The following EXPH5 variants were observed in gnomAD, a reference collection of about 807,000 sequenced individuals.
EXPH5 encodes exophilin-5.
In EXPH5, 42 loss-of-function variants were observed where a neutral mutation model predicts 41.1. The observed-to-expected ratio is 1.02, with a 90% confidence interval of 0.80 to 1.32. EXPH5 has a LOEUF of 1.32. EXPH5 is among the 40% of genes most tolerant of loss of function. The pLI is 0.00. For synonymous variants in EXPH5, 798 were observed against 833.5 expected (o/e 0.96, Z 0.73); for missense variants, 2,298 against 2,314.5 (o/e 0.99, Z 0.15).
intron 1 of EXPH5, among the ~76,000 whole-genome samples, chr11:108,590,531 G>C (rs1336324490): frequency 2.6e-5 from 4 of 152,094 alleles, no homozygotes; most frequent in African/African-American, 9.7e-5. Flanking sequence ...ATGTGTTCAG[G>C]AACTTTTCTG....
At position 108,513,856 on chromosome 11, in the gene EXPH5, A is replaced by T. The variant is rs200171921; in HGVS notation, c.1651T>A (p.Trp551Arg). 5.4e-5 allele frequency: 85 copies of T among 1,569,256 alleles called. No individual in the cohort carries two copies. Among genetic ancestry groups the T allele is most frequent in the Non-Finnish European group, 6.9e-5 (80 of 1,156,808 alleles). The change falls in exon 6 of 6, where the codon TGG (tryptophan) becomes AGG (arginine). Residue 551 changes from tryptophan (W) to arginine (R), a missense_variant. Physicochemically the swap from Trp to Arg is moderately radical, Grantham distance 101 (BLOSUM62 -3). Transcript: ENST00000265843. ...VSRGQEEPHPWQFDFQRSTLD... is the reference protein window; with the variant it reads ...VSRGQEEPHPRQFDFQRSTLD... Reference sequence around the variant, plus strand: ...GTGGATCTCTGAAAATCAAACTGCCAAGGATGTGGCTCTTCTTGGCCTCTG... The same window carrying T: ...GTGGATCTCTGAAAATCAAACTGCCTAGGATGTGGCTCTTCTTGGCCTCTG...
At chr11:108,587,892 ATAGGTGCCAGCCAC>A (rs1424699873) in intron 1 of EXPH5, among the ~76,000 whole-genome samples, 10 of 152,182 alleles carry the variant, frequency 6.6e-5, no homozygotes, top group African/African-American at 2.4e-4. Flanking sequence ...AGCTGGGCTT[ATAGGTGCCAGCCAC>A]CAAGCCTGGC....
Position 108,528,923 on chromosome 11 carries a change from G to A in EXPH5, c.444-739C>T, listed in dbSNP as rs542029935. ...TCATCATGTTGACCAGGCTGGTCTC[G>A]AACTCCTGACCTCAGGTGATCTGCC... On this transcript the variant is annotated intron_variant, in intron 3 of 5. Coordinates refer to ENST00000265843, the MANE Select transcript of EXPH5 (RefSeq NM_015065.3). 2.0e-3 allele frequency among the ~76,000 whole-genome samples: 308 copies of A among 151,530 alleles called. 1 individual carries two copies. The highest frequency in any genetic ancestry group is 6.9e-3 in the African/African-American group (287 of 41,344).
rs752646386 is a variant in EXPH5 at position 108,514,758 on chromosome 11, T to C, written c.749A>G (p.Asn250Ser). Reference protein sequence around the residue: ...TQFGHFYSSGNRHGNITERHK... With the variant: ...TQFGHFYSSGSRHGNITERHK... ...CCTTTCTGTGATATTACCATGTCTG[T>C]TACCACTGGAATAAAAGTGACCGAA... is the stretch of plus-strand genomic sequence containing the variant. Residue 250 changes from asparagine (N) to serine (S), a missense_variant, in exon 6 of 6, where the codon AAC becomes AGC. Transcript: ENST00000265843. 12 of 1,611,658 alleles carry C rather than the reference T, an allele frequency of 7.4e-6. No homozygotes were observed. The African/African-American group carries it at 1.1e-4, about 14-fold the overall frequency.
chr11:108,566,693 A>T (rs1432063390), intron 1 of EXPH5, among the ~76,000 whole-genome samples: 1 of 151,968 alleles, frequency 6.6e-6, no homozygotes, highest in Non-Finnish European at 1.5e-5. Flanking sequence ...TCTCTAAAAT[A>T]AATAAATAAA....
At chr11:108,517,884 A>G (rs1253179832) in intron 5 of EXPH5, among the ~76,000 whole-genome samples, 1 of 151,844 alleles carries the variant, frequency 6.6e-6, no homozygotes, top group Non-Finnish European at 1.5e-5. Flanking sequence ...TCAGCCTCCC[A>G]AGTAGCTGAG....
chr11:108,564,668 T>G (rs989286094), intron 1 of EXPH5, among the ~76,000 whole-genome samples: 2 of 152,226 alleles, frequency 1.3e-5, no homozygotes, highest in South Asian at 4.1e-4. Flanking sequence ...AGGATGAACA[T>G]GTTTTAATGA....
At chr11:108,584,873 AT>A (rs2094108943) in intron 1 of EXPH5, among the ~76,000 whole-genome samples, 1 of 152,254 alleles carries the variant, frequency 6.6e-6, no homozygotes, top group East Asian at 1.9e-4. Flanking sequence ...TACTAAAAGC[AT>A]GATTCATAAA....
At chr11:108,525,444 T>C (rs1210233948) in intron 4 of EXPH5, among the ~76,000 whole-genome samples, 1 of 152,150 alleles carries the variant, frequency 6.6e-6, no homozygotes, top group Non-Finnish European at 1.5e-5. Flanking sequence ...TACGCAGGAG[T>C]CCAAAATGTC....
intron 1 of EXPH5, among the ~76,000 whole-genome samples, chr11:108,542,608 C>T (rs1008921243): frequency 2.0e-5 from 3 of 152,104 alleles, no homozygotes; most frequent in African/African-American, 7.2e-5. Flanking sequence ...CCCAGGTAGG[C>T]AATGGATTCA....
At chr11:108,547,142 G>T (rs1283218927) in intron 1 of EXPH5, among the ~76,000 whole-genome samples, 1 of 152,044 alleles carries the variant, frequency 6.6e-6, no homozygotes, top group Non-Finnish European at 1.5e-5. Context: ...AGACACTAAA[G>T]TAGAATGATT....
At chr11:108,598,985 T>C in the EXPH5 span, among the ~76,000 whole-genome samples, 4 of 152,032 alleles carry the variant, frequency 2.6e-5, no homozygotes, top group Admixed American at 6.6e-5. Flanking sequence ...TTAAATGTGC[T>C]AATGTCTGGG....
intron 1 of EXPH5, among the ~76,000 whole-genome samples, chr11:108,549,193 C>T (rs1292579727): frequency 1.3e-5 from 2 of 152,214 alleles, no homozygotes; most frequent in Non-Finnish European, 2.9e-5. Context: ...GTTGTCTACA[C>T]TTCTAATTTG....
chr11:108,529,469 A>G (rs1411277994), intron 3 of EXPH5, among the ~76,000 whole-genome samples: 2 of 152,138 alleles, frequency 1.3e-5, no homozygotes, highest in Non-Finnish European at 2.9e-5. Flanking sequence ...AAGTGCTGTG[A>G]TTACAGGCAT....
Position 108,506,029 on chromosome 11 carries a change from T to C in EXPH5, c.*3508A>G, listed in dbSNP as rs1809984788. 6.6e-6 allele frequency: 1 copy of C among 152,172 alleles called. No homozygotes were observed. The highest frequency in any genetic ancestry group is 2.1e-4 in the South Asian group (1 of 4,832). 9.4% of individuals were successfully genotyped at this position (152,172 alleles called of 1,614,324 possible). On this transcript the variant is annotated 3_prime_UTR_variant, in exon 6 of 6. Transcript: ENST00000265843. ...ATTAAACCCTATTTTAAACAGACTTTACAGTATAAAATTTATGGTTATAGA... is the reference window on the plus strand; with the variant it reads ...ATTAAACCCTATTTTAAACAGACTTCACAGTATAAAATTTATGGTTATAGA...
At chr11:108,532,581 C>A (rs1167811222) in intron 3 of EXPH5, among the ~76,000 whole-genome samples, 1 of 150,894 alleles carries the variant, frequency 6.6e-6, no homozygotes, top group African/African-American at 2.4e-5. Flanking sequence ...AATGATCAAC[C>A]TCATCATTTG....
chr11:108,529,473 CA>C (rs2093822515), intron 3 of EXPH5, among the ~76,000 whole-genome samples: 1 of 152,184 alleles, frequency 6.6e-6, no homozygotes, highest in Non-Finnish European at 1.5e-5. Flanking sequence ...GCTGTGATTA[CA>C]GGCATGAGCC....
At chr11:108,588,311 T>C (rs1331685165) in intron 1 of EXPH5, among the ~76,000 whole-genome samples, 1 of 152,210 alleles carries the variant, frequency 6.6e-6, no homozygotes, top group Non-Finnish European at 1.5e-5. Flanking sequence ...TTTGACTACA[T>C]AGAATTGTGT....
At chr11:108,588,067 A>G (rs1380369126) in intron 1 of EXPH5, among the ~76,000 whole-genome samples, 1 of 152,224 alleles carries the variant, frequency 6.6e-6, no homozygotes, top group Non-Finnish European at 1.5e-5. Flanking sequence ...TTTTAATAAC[A>G]TATGATAACT....
Sources: allele counts gnomAD v4.1 joint callset (sites outside exome capture counted in the v4.1 genomes callset), GRCh38; gene constraint gnomAD v4.1.1; transcripts MANE v1.5; gene names NCBI Gene and HGNC (gene_info 2026-07-23, HGNC 2026-07-21).